Variants in MAGEA11 observed in about 807,000 individuals in gnomAD.
MAGEA11 encodes the protein MAGE family member A11.
Under a neutral mutation model 8.4 loss-of-function variants are expected in MAGEA11, and 1 was observed. The observed-to-expected ratio is 0.12, with a 90% CI of 0.04 to 0.57. The LOEUF is 0.57. Ranked by LOEUF, MAGEA11 falls within the 20% of genes least tolerant of loss-of-function variation. The pLI is 0.91. For synonymous variants in MAGEA11, 127 were observed against 119.3 expected, an observed-to-expected ratio of 1.06 and a Z score of -0.42; for missense variants, 209 against 317.3, an observed-to-expected ratio of 0.66 and a Z score of 2.59.
At chrX:149,689,890 A>ATATTTATC (rs1557359989) in intron 1 of MAGEA11, among the ~76,000 whole-genome samples, 1 of 111,998 alleles carries the variant, frequency 8.9e-6, no homozygotes, top group Non-Finnish European at 1.9e-5. Flanking sequence ...GTTCTTCTAC[A>ATATTTATC]TATTTATCTA....
chrX:149,705,048 T>C (rs782686217), intron 1 of MAGEA11, among the ~76,000 whole-genome samples: 61 of 112,662 alleles, frequency 5.4e-4, no homozygotes, highest in African/African-American at 1.9e-3. Flanking sequence ...ACAAGCATCC[T>C]GCCACTAGCC....
At chrX:149,703,038 A>G (rs897601794) in intron 1 of MAGEA11, among the ~76,000 whole-genome samples, 1 of 111,506 alleles carries the variant, frequency 9.0e-6, no homozygotes, top group African/African-American at 3.3e-5. Context: ...TTCCCACAGG[A>G]TAAGAGCAGG....
rs1602944787 is a variant in MAGEA11, at chrX:149,717,130, T to A, written c.*354T>A. 5 of 143,462 alleles carry A rather than the reference T, an allele frequency of 3.5e-5. No individual in the cohort carries two copies. In the East Asian group the frequency reaches 8.6e-4, roughly 25 times the overall value. 11.8% of individuals were successfully genotyped at this position (143,462 alleles called of 1,213,427 possible). ...CTTATCCATTTCAAGTGCAAGTGTT[T>A]GCCATTTTGTAAAACATTTTGGGAA... On this transcript the variant is annotated 3_prime_UTR_variant, in exon 5 of 5. Coordinates refer to ENST00000355220, the MANE Select transcript of MAGEA11 (RefSeq NM_005366.5).
chrX:149,715,441 T>C (rs187621033), intron 3 of MAGEA11, among the ~76,000 whole-genome samples, 163 bp from the exon 4 acceptor site: 110 of 111,393 alleles, frequency 9.9e-4, no homozygotes, highest in African/African-American at 3.5e-3. Context: ...GCAGTGCCAG[T>C]AGTCAAGATG....
intron 1 of MAGEA11, among the ~76,000 whole-genome samples, chrX:149,702,362 T>C (rs1415166060): frequency 8.9e-6 from 1 of 111,883 alleles, no homozygotes; most frequent in Non-Finnish European, 1.9e-5. Flanking sequence ...TACATATATG[T>C]TTATAATGTT....
chrX:149,712,034 A>G (rs2090403984), upstream of MAGEA11: 1 of 748,042 alleles, frequency 1.3e-6, no homozygotes, highest in Non-Finnish European at 1.6e-6. Context: ...GGGAAGCTCC[A>G]GGCGTGGGGG....
chrX:149,705,057 C>T (rs1050874426), intron 1 of MAGEA11, among the ~76,000 whole-genome samples: 4 of 112,460 alleles, frequency 3.6e-5, no homozygotes, highest in Admixed American at 1.9e-4. Flanking sequence ...CTGCCACTAG[C>T]CCCCGCTATC....
chrX:149,692,923 T>A (rs189586575), intron 1 of MAGEA11, among the ~76,000 whole-genome samples: 36 of 112,148 alleles, frequency 3.2e-4, no homozygotes, highest in Non-Finnish European at 6.2e-4. Flanking sequence ...CCATGTAAGA[T>A]GTGACTTGCT....
chrX:149,695,016 G>A (rs148615957), intron 1 of MAGEA11, among the ~76,000 whole-genome samples: 1,809 of 111,531 alleles, frequency 0.016, 16 homozygotes, highest in Non-Finnish European at 0.024. Flanking sequence ...CACCACACCC[G>A]GCCAATTTTC....
upstream of MAGEA11, among the ~76,000 whole-genome samples, chrX:149,708,263 A>T (rs1380549243): frequency 8.9e-6 from 1 of 111,799 alleles, no homozygotes; most frequent in Admixed American, 9.5e-5. Context: ...CTTACATTTC[A>T]ATCTTTAATC....
chrX:149,699,949 G>A (rs1336804990), intron 1 of MAGEA11, among the ~76,000 whole-genome samples: 3 of 111,815 alleles, frequency 2.7e-5, no homozygotes, highest in African/African-American at 9.8e-5. Context: ...TCATAAGGCT[G>A]CAGGATGGAG....
chrX:149,689,639 C>T (rs2090302001), intron 1 of MAGEA11, among the ~76,000 whole-genome samples: 2 of 112,387 alleles, frequency 1.8e-5, no homozygotes, highest in Non-Finnish European at 3.8e-5. Context: ...GCTGGGAAAG[C>T]CCTGTGCTAG....
At chrX:149,696,157 T>G (rs1557360521) in intron 1 of MAGEA11, among the ~76,000 whole-genome samples, 1 of 111,215 alleles carries the variant, frequency 9.0e-6, no homozygotes, top group Admixed American at 9.5e-5. Flanking sequence ...GAAGCACTGT[T>G]GTAGGACAGA....
At chrX:149,709,113 C>T (rs781992720), upstream of MAGEA11, among the ~76,000 whole-genome samples, 7 of 109,017 alleles carry the variant, frequency 6.4e-5, no homozygotes, top group East Asian at 1.4e-3. Context: ...GGTGAAACCC[C>T]GTCTCTACTA....
At chrX:149,701,660 G>T (rs782816980) in intron 1 of MAGEA11, among the ~76,000 whole-genome samples, 2 of 110,132 alleles carry the variant, frequency 1.8e-5, no homozygotes, top group East Asian at 5.9e-4. Flanking sequence ...GTCCTGAATG[G>T]TAATGCCTAG....
chrX:149,713,576 A>C (rs2090413022), intron 2 of MAGEA11: 2 of 211,716 alleles, frequency 9.4e-6, no homozygotes, highest in Admixed American at 1.5e-4. Context: ...CAGGAGAGAC[A>C]TGGATAGGCC....
At chrX:149,690,510 T>C (rs2124274865) in intron 1 of MAGEA11, among the ~76,000 whole-genome samples, 1 of 112,327 alleles carries the variant, frequency 8.9e-6, no homozygotes. Flanking sequence ...CTTAGAATAG[T>C]CAGATACATA....
At chrX:149,688,243 C>G (rs1293797884), upstream of MAGEA11, 1 of 112,295 alleles carries the variant, frequency 8.9e-6, no homozygotes, top group African/African-American at 3.2e-5. Context: ...GGGTATGGGT[C>G]AGGACCTCTT....
chrX:149,704,709 A>G (rs1166236695), intron 1 of MAGEA11, among the ~76,000 whole-genome samples: 4 of 112,153 alleles, frequency 3.6e-5, no homozygotes, highest in African/African-American at 6.5e-5. Context: ...TGACATGGAT[A>G]TCAGAAGTCC....
Sources: allele counts gnomAD v4.1 joint callset (sites outside exome capture counted in the v4.1 genomes callset), GRCh38; gene constraint gnomAD v4.1.1; transcripts MANE v1.5; gene names NCBI Gene and HGNC (gene_info 2026-07-23, HGNC 2026-07-21).